Variants in KCNN2 observed in about 807,000 individuals in gnomAD.
KCNN2 encodes potassium calcium-activated channel subfamily N member 2.
KCNN2 carries 24 observed loss-of-function variants against 55.5 expected under a neutral mutation model. The ratio of observed to expected loss-of-function variants is 0.43; its 90% CI spans 0.31 to 0.61. The LOEUF (loss-of-function observed/expected upper bound fraction) is 0.61. Ranked by LOEUF, KCNN2 falls within the 20% of genes least tolerant of loss-of-function variation. The pLI, the probability that KCNN2 is intolerant of heterozygous loss-of-function variation, is 0.08. For synonymous variants in KCNN2, 431 were observed against 336.1 expected, an observed-to-expected ratio of 1.28 and a Z score of -3.09; for missense variants, 754 against 853.6, an observed-to-expected ratio of 0.88 and a Z score of 1.45.
intron 2 of KCNN2, among the ~76,000 whole-genome samples, chr5:114,392,013 T>C (rs773016670): frequency 6.6e-6 from 1 of 152,150 alleles, no homozygotes; most frequent in Non-Finnish European, 1.5e-5. Flanking sequence ...AGCAAAGATA[T>C]TCTACTAAGT....
rs763959329 is a variant in KCNN2, at chr5:114,363,974, C to A, written c.1191C>A (p.Ile397=). The change falls in exon 2 of 8, where the codon ATC becomes ATA. Residue 397 remains isoleucine (I), a synonymous_variant. Coordinates refer to ENST00000673685, the MANE Select transcript of KCNN2 (RefSeq NM_021614.4). ...CCACGATCATCCTGCTCGGTCTGAT[C>A]ATCGTGTACCACGCCAGGGAAATAC... The part of the protein sequence containing the change: ...SLSTIILLGL[I]IVYHAREIQL... 6.2e-7 allele frequency: 1 copy of A among 1,613,928 alleles called. No individual in the cohort carries two copies. Among genetic ancestry groups the A allele is most frequent in the Non-Finnish European group, 8.5e-7 (1 of 1,179,818 alleles).
intron 3 of KCNN2, among the ~76,000 whole-genome samples, chr5:114,449,522 TG>T (rs1166248734): frequency 2.0e-5 from 3 of 152,296 alleles, no homozygotes; most frequent in Admixed American, 6.5e-5. Context: ...CACAGCCACC[TG>T]GTGAGGTAGA....
chr5:114,297,016 A>G (rs555481125), intron 2 of KCNN2, among the ~76,000 whole-genome samples: 2 of 152,342 alleles, frequency 1.3e-5, no homozygotes, highest in East Asian at 1.9e-4. Flanking sequence ...TATTGATGAA[A>G]GAATTAATAT....
chr5:114,086,203 T>G (rs1357912372), intron 1 of KCNN2, among the ~76,000 whole-genome samples: 1 of 152,138 alleles, frequency 6.6e-6, no homozygotes, highest in Admixed American at 6.6e-5. Context: ...TAGCTGTGTG[T>G]TTGCTCATTC....
At chr5:114,200,765 T>A (rs1031129726) in intron 1 of KCNN2, among the ~76,000 whole-genome samples, 3 of 152,136 alleles carry the variant, frequency 2.0e-5, no homozygotes, top group African/African-American at 7.2e-5. Flanking sequence ...AGTGTGATAT[T>A]TGCGTGAGTT....
rs147823413 is a variant in KCNN2 at position 114,339,974 on chromosome 5, T to A, written c.-184-20971T>A. Among the ~76,000 whole-genome samples, 413 of 152,298 alleles carry A rather than the reference T, an allele frequency of 2.7e-3. 2 individuals are homozygous for A. Among genetic ancestry groups the A allele is most frequent in the African/African-American group, 9.5e-3 (396 of 41,578 alleles). On this transcript the variant is annotated intron_variant, in intron 2 of 10. Coordinates refer to the KCNN2 transcript ENST00000512097. ...AGGCAAGTTAATTTCTCACTCATCC[T>A]GCCACATATAGCAGAACTTTAGCTT...
At chr5:114,283,580 A>T (rs1036242274) in intron 2 of KCNN2, among the ~76,000 whole-genome samples, 1 of 152,054 alleles carries the variant, frequency 6.6e-6, no homozygotes, top group African/African-American at 2.4e-5. Context: ...TCATCTTTGT[A>T]TGTCTCTTAT....
chr5:114,268,944 G>A (rs10043191), intron 2 of KCNN2, among the ~76,000 whole-genome samples: 61,036 of 151,148 alleles, frequency 0.4, 13,131 homozygotes, highest in East Asian at 0.76. Flanking sequence ...TCTCGGGGGT[G>A]GGGGGGTTCT....
At chr5:114,321,290 T>A (rs1756609519) in intron 2 of KCNN2, among the ~76,000 whole-genome samples, 1 of 152,172 alleles carries the variant, frequency 6.6e-6, no homozygotes, top group African/African-American at 2.4e-5. Context: ...ATAAGGAGTC[T>A]TGTGTTCATG....
Position 114,098,941 on chromosome 5 carries a change from TC to T in KCNN2, c.-271+42443del, listed in dbSNP as rs1320993649. On this transcript the variant is annotated intron_variant, in intron 1 of 10. Coordinates refer to the KCNN2 transcript ENST00000512097. ...CAGACTGGGAACCAAGTACTCCACA[TC>T]CTTGAGAGAAGGCTTAATCCACAAA... is the stretch of plus-strand genomic sequence containing the variant. Among the ~76,000 whole-genome samples the T allele has an allele frequency of 3.3e-5, 5 of 152,276 alleles. No homozygotes were observed. The East Asian group carries it at 9.7e-4, about 29-fold the overall frequency.
At chr5:114,083,903 T>C (rs74434734) in intron 1 of KCNN2, among the ~76,000 whole-genome samples, 7,987 of 152,186 alleles carry the variant, frequency 0.052, 239 homozygotes, top group Non-Finnish European at 0.065. Context: ...TCTGTAGTAC[T>C]GCTGTTTTTG....
intron 1 of KCNN2, among the ~76,000 whole-genome samples, chr5:114,147,716 T>C (rs950093549): frequency 5.3e-5 from 8 of 152,190 alleles, no homozygotes; most frequent in African/African-American, 1.9e-4. Flanking sequence ...TAAGTAGGGA[T>C]GCCTAGGATT....
chr5:114,444,069 T>A (rs1467650548), intron 3 of KCNN2, among the ~76,000 whole-genome samples: 1 of 152,192 alleles, frequency 6.6e-6, no homozygotes, highest in East Asian at 1.9e-4. Flanking sequence ...ACTGGTAAGA[T>A]GTCTGTTACA....
intron 2 of KCNN2, among the ~76,000 whole-genome samples, chr5:114,356,859 A>C (rs1034384371): frequency 1.3e-5 from 2 of 152,010 alleles, no homozygotes; most frequent in African/African-American, 4.8e-5. Flanking sequence ...GGGCCTTTTA[A>C]TTGTTATGTT....
At chr5:114,221,344 G>T (rs1450961466) in intron 1 of KCNN2, among the ~76,000 whole-genome samples, 1 of 152,108 alleles carries the variant, frequency 6.6e-6, no homozygotes, top group Non-Finnish European at 1.5e-5. Context: ...GACAATATAT[G>T]CTAGGAGGTA....
chr5:114,115,091 C>T (rs1316099852), intron 1 of KCNN2, among the ~76,000 whole-genome samples: 1 of 152,084 alleles, frequency 6.6e-6, no homozygotes, highest in Non-Finnish European at 1.5e-5. Context: ...TTTCTTCATT[C>T]TGGGAATCTC....
intron 2 of KCNN2, among the ~76,000 whole-genome samples, chr5:114,383,487 T>C (rs1758189094): frequency 6.8e-6 from 1 of 146,472 alleles, no homozygotes; most frequent in South Asian, 2.2e-4. Flanking sequence ...TTTTTTTTTT[T>C]TGAGGCAGTC....
In KCNN2 at chr5:114,296,075, A is replaced by T. The variant is rs539301169; in HGVS notation, c.-184-64870A>T. On this transcript the variant is annotated intron_variant, in intron 2 of 10. Coordinates refer to the KCNN2 transcript ENST00000512097. ...TTTACCCACCTAAGCTCATAGATAT[A>T]CTGTACTCTATCCTCAGATTATCTG... Among the ~76,000 whole-genome samples the T allele has an allele frequency of 2.2e-4, 34 of 152,348 alleles. 2 individuals carry two copies. The South Asian group carries it at 6.4e-3, about 29-fold the overall frequency.
chr5:114,105,046 T>C (rs1283551181), intron 1 of KCNN2, among the ~76,000 whole-genome samples: 1 of 152,062 alleles, frequency 6.6e-6, no homozygotes. Flanking sequence ...TTGCAACAGG[T>C]TCATTCATCA....
Sources: gnomAD v4.1 joint callset for allele counts (sites outside exome capture counted in the v4.1 genomes callset) on GRCh38, gnomAD v4.1.1 for gene constraint, MANE v1.5 for transcripts, NCBI Gene and HGNC (gene_info 2026-07-23, HGNC 2026-07-21) for gene names.